The following EPHB2 variants were observed in gnomAD, a reference collection of about 807,000 sequenced individuals.
EPHB2 encodes the protein ephrin type-B receptor 2.
Under a neutral mutation model 96.4 loss-of-function variants are expected in EPHB2, and 18 were observed. That is an observed-to-expected ratio of 0.19 (90% CI 0.13 to 0.28). The LOEUF (loss-of-function observed/expected upper bound fraction) is 0.28, where lower values mean the gene tolerates loss of function less well. Ranked by LOEUF, EPHB2 falls within the 10% of genes least tolerant of loss-of-function variation. The pLI is 1.00. For synonymous variants in EPHB2, 506 were observed against 534.1 expected, an observed-to-expected ratio of 0.95 and a Z score of 0.72; for missense variants, 989 against 1,355.4, an observed-to-expected ratio of 0.73 and a Z score of 4.25.
At chr1:22,815,203 T>A (rs55880172) in intron 3 of EPHB2, among the ~76,000 whole-genome samples, 2 of 151,914 alleles carry the variant, frequency 1.3e-5, no homozygotes, top group African/African-American at 4.8e-5. Context: ...CCTGGGTAAA[T>A]GTGAGCCTTC....
At position 22,865,181 on chromosome 1, in the gene EPHB2, C is replaced by T. The variant is rs778869890; in HGVS notation, c.1272C>T (p.Phe424=). Reference sequence around the variant, plus strand: ...ACCAGAGCCCCTTCTCGCCTCAGTTCGCCTCTGTGAACATCACCACCAACC... The same window carrying T: ...ACCAGAGCCCCTTCTCGCCTCAGTTTGCCTCTGTGAACATCACCACCAACC... ...VTDQSPFSPQ[F]ASVNITTNQA... Residue 424 remains phenylalanine, a synonymous_variant, in exon 5 of 16, where the codon TTC becomes TTT. Transcript: ENST00000374630. The T allele has an allele frequency of 1.7e-5, 27 of 1,614,096 alleles. No individual in the cohort carries two copies. Among genetic ancestry groups the T allele is most frequent in the Middle Eastern group, 1.6e-4 (1 of 6,084 alleles).
At chr1:22,817,874 G>T (rs1048699149) in intron 3 of EPHB2, among the ~76,000 whole-genome samples, 1 of 152,192 alleles carries the variant, frequency 6.6e-6, no homozygotes, top group Non-Finnish European at 1.5e-5. Context: ...CCTAAAGGGC[G>T]GGACGGGAAG....
At chr1:22,796,219 C>T (rs1221041164) in intron 3 of EPHB2, among the ~76,000 whole-genome samples, 3 of 152,180 alleles carry the variant, frequency 2.0e-5, no homozygotes, top group South Asian at 2.1e-4. Context: ...GTATGTCAGG[C>T]GGTGATTAGG....
At chr1:22,736,037 C>T (rs1643820531) in intron 1 of EPHB2, among the ~76,000 whole-genome samples, 1 of 152,196 alleles carries the variant, frequency 6.6e-6, no homozygotes, top group Non-Finnish European at 1.5e-5. Context: ...GCCTCAGTTC[C>T]CCATTAGTAA....
In EPHB2 at chr1:22,784,955, G is replaced by A. The variant is rs374426229; in HGVS notation, c.690G>A (p.Ala230=). ...VAARGSCIAN[A]EEVDVPIKLY... is the part of the protein sequence containing the mutation. The stretch of plus-strand genomic sequence containing the variant: ...CCCGGGGCAGCTGCATCGCCAATGC[G>A]GAAGAGGTGGATGTACCCATCAAGC... Residue 230 remains alanine, a synonymous_variant, in exon 3 of 16, where the codon GCG becomes GCA. Transcript: ENST00000374630. This position sits in a 1 kb window ranked among gnomAD's most constrained non-coding sequence, Gnocchi z 5.1. 5.6e-5 allele frequency: 90 copies of A among 1,613,948 alleles called. No individual in the cohort carries two copies. The highest frequency in any genetic ancestry group is 4.1e-4 in the African/African-American group (31 of 75,080).
At chr1:22,760,366 C>T (rs971666867) in intron 1 of EPHB2, among the ~76,000 whole-genome samples, 3 of 152,136 alleles carry the variant, frequency 2.0e-5, no homozygotes, top group South Asian at 2.1e-4. Flanking sequence ...GTCAATTCCA[C>T]GCATGGTAGT....
At chr1:22,766,530 A>T (rs1482064124) in intron 1 of EPHB2, among the ~76,000 whole-genome samples, 2 of 152,148 alleles carry the variant, frequency 1.3e-5, no homozygotes, top group Non-Finnish European at 2.9e-5. Context: ...CCTTGTGCAA[A>T]GGGCGTTGTG....
chr1:22,912,314 C>G, intron 14 of EPHB2, 130 bp from the exon 15 acceptor site: 1 of 1,314,252 alleles, frequency 7.6e-7, no homozygotes. Flanking sequence ...ACGTACATAC[C>G]CCTTCACCTG....
chr1:22,838,947 CA>C (rs898174880), intron 3 of EPHB2, among the ~76,000 whole-genome samples: 13 of 149,096 alleles, frequency 8.7e-5, no homozygotes, highest in South Asian at 4.2e-4. Context: ...AAAAACAAAA[CA>C]AAAAAAGAAA....
intron 3 of EPHB2, among the ~76,000 whole-genome samples, chr1:22,802,785 T>C (rs1644863979): frequency 6.6e-6 from 1 of 152,120 alleles, no homozygotes; most frequent in African/African-American, 2.4e-5. Context: ...AGGTAGAATA[T>C]GGTCTGACTC....
intron 9 of EPHB2, among the ~76,000 whole-genome samples, chr1:22,899,317 C>T (rs577092760): frequency 8.6e-5 from 13 of 151,448 alleles, no homozygotes; most frequent in Non-Finnish European, 1.5e-4. Flanking sequence ...GCCCTACCAA[C>T]ATGGTGAAAC....
At chr1:22,841,314 C>T (rs976750566) in intron 3 of EPHB2, among the ~76,000 whole-genome samples, 1 of 152,210 alleles carries the variant, frequency 6.6e-6, no homozygotes, top group African/African-American at 2.4e-5. Context: ...CTGTGTGTCA[C>T]TACCCATAAA....
chr1:22,868,728 T>G (rs1638563614), intron 5 of EPHB2, among the ~76,000 whole-genome samples: 1 of 152,202 alleles, frequency 6.6e-6, no homozygotes, highest in African/African-American at 2.4e-5. Flanking sequence ...AAGTATACTC[T>G]GCCCACAGTG....
Position 22,739,225 on chromosome 1 carries a change from C to CT in EPHB2, c.61+28190dup, listed in dbSNP as rs769193147. ...CCAACTAATTCTTTTTGTTTTTTTTCTTTTTTTTGAGACAGAGTCTCACTC... is the reference window on the plus strand; with the variant it reads ...CCAACTAATTCTTTTTGTTTTTTTTCTTTTTTTTTGAGACAGAGTCTCACTC... On this transcript the variant is annotated intron_variant, in intron 1 of 15. Coordinates refer to ENST00000374630, the MANE Select transcript of EPHB2 (RefSeq NM_017449.5). Among the ~76,000 whole-genome samples, 41 of 151,006 alleles carry CT rather than the reference C, an allele frequency of 2.7e-4. No individual in the cohort carries two copies. In the South Asian group the frequency reaches 3.2e-3, roughly 12 times the overall value.
chr1:22,756,575 G>A (rs1295660342), intron 1 of EPHB2, among the ~76,000 whole-genome samples: 1 of 152,044 alleles, frequency 6.6e-6, no homozygotes, highest in Non-Finnish European at 1.5e-5. Flanking sequence ...ATGAGGTGTG[G>A]GGGAAGTGGC....
intron 1 of EPHB2, among the ~76,000 whole-genome samples, chr1:22,712,194 A>G (rs1359931312): frequency 6.6e-6 from 1 of 152,200 alleles, no homozygotes; most frequent in Non-Finnish European, 1.5e-5. Context: ...ACAGGTAGGT[A>G]TGATTCCTAC....
chr1:22,910,268 C>A, intron 13 of EPHB2, 114 bp from the exon 14 acceptor site: 1 of 1,393,770 alleles, frequency 7.2e-7, no homozygotes, highest in Non-Finnish European at 1.0e-6. Flanking sequence ...AAGTGGTTGC[C>A]ACAGCAACTA....
chr1:22,845,599 C>T (rs1645530102), intron 3 of EPHB2, among the ~76,000 whole-genome samples: 1 of 152,074 alleles, frequency 6.6e-6, no homozygotes, highest in East Asian at 1.9e-4. Flanking sequence ...ACTTTCAGAG[C>T]CATTTTTAGA....
intron 1 of EPHB2, among the ~76,000 whole-genome samples, chr1:22,739,102 C>T (rs779248197): frequency 6.6e-6 from 1 of 152,058 alleles, no homozygotes; most frequent in Admixed American, 6.6e-5. Context: ...TACAGTGGCA[C>T]AATCATAGCT....
Sources: gnomAD v4.1 joint callset for allele counts (sites outside exome capture counted in the v4.1 genomes callset) on GRCh38, gnomAD v4.1.1 for gene constraint, Gnocchi (gnomAD v3.1) non-coding constraint, MANE v1.5 for transcripts, NCBI Gene and HGNC (gene_info 2026-07-23, HGNC 2026-07-21) for gene names.